The following KDM2B variants were observed in gnomAD, a reference collection of about 807,000 sequenced individuals.
The protein encoded by KDM2B is lysine demethylase 2B, also known as lysine-specific demethylase 2B.
In KDM2B, 26 loss-of-function variants were observed where a neutral mutation model predicts 150.0. That is an observed-to-expected ratio of 0.17 (90% CI 0.13 to 0.24). The LOEUF (loss-of-function observed/expected upper bound fraction) is 0.24, where lower values mean the gene tolerates loss of function less well. Among genes scored for constraint, KDM2B ranks in the 10% least tolerant of loss-of-function variants. The pLI is 1.00. For synonymous variants in KDM2B, 734 were observed against 729.5 expected, an observed-to-expected ratio of 1.01 and a Z score of -0.10; for missense variants, 1,265 against 1,816.9, an observed-to-expected ratio of 0.70 and a Z score of 5.52.
intron 6 of KDM2B, among the ~76,000 whole-genome samples, chr12:121,535,297 G>T (rs1379146973): frequency 6.6e-6 from 1 of 151,998 alleles, no homozygotes; most frequent in Non-Finnish European, 1.5e-5. Flanking sequence ...GAAAAGTAAG[G>T]GGGGGTTCCA....
the KDM2B span, chr12:121,420,374 G>T: frequency 1.3e-6 from 2 of 1,554,402 alleles, no homozygotes; most frequent in Non-Finnish European, 1.7e-6. Flanking sequence ...TGACATGTCA[G>T]CCTGACAGGA....
chr12:121,500,899 G>A (rs534534476), intron 11 of KDM2B, among the ~76,000 whole-genome samples: 3 of 152,306 alleles, frequency 2.0e-5, no homozygotes, highest in East Asian at 3.9e-4. Flanking sequence ...CAAAGAGTTC[G>A]AGACCAGCCT....
downstream of KDM2B, among the ~76,000 whole-genome samples, chr12:121,424,876 C>G (rs1397697320): frequency 6.6e-6 from 1 of 152,174 alleles, no homozygotes; most frequent in Admixed American, 6.5e-5. Context: ...AAGCAACTTT[C>G]TGAAATAAAC....
intron 11 of KDM2B, among the ~76,000 whole-genome samples, chr12:121,501,460 A>G (rs1884536349): frequency 6.6e-6 from 1 of 152,174 alleles, no homozygotes; most frequent in African/African-American, 2.4e-5. Flanking sequence ...TGATGCAGCC[A>G]CATCCAAGGA....
intron 22 of KDM2B, among the ~76,000 whole-genome samples, chr12:121,434,865 G>A (rs1375114174): frequency 2.0e-5 from 3 of 152,188 alleles, no homozygotes; most frequent in Non-Finnish European, 4.4e-5. Flanking sequence ...ACTGAGGCAT[G>A]AGAATCACAT....
chr12:121,559,465 C>T (rs1890170049), intron 4 of KDM2B, among the ~76,000 whole-genome samples: 1 of 152,202 alleles, frequency 6.6e-6, no homozygotes, highest in Non-Finnish European at 1.5e-5. Context: ...TCATGCCACA[C>T]AGCTGGGGTC....
At chr12:121,570,424 G>A (rs1555315733) in intron 4 of KDM2B, among the ~76,000 whole-genome samples, 1 of 152,038 alleles carries the variant, frequency 6.6e-6, no homozygotes, top group Non-Finnish European at 1.5e-5. Flanking sequence ...GGCCTCAATC[G>A]ATCCTCCTAC....
At chr12:121,542,717 A>C (rs1888706541) in intron 6 of KDM2B, among the ~76,000 whole-genome samples, 1 of 152,224 alleles carries the variant, frequency 6.6e-6, no homozygotes, top group South Asian at 2.1e-4. Context: ...GTACAGATGA[A>C]GAAAAAGGCC....
chr12:121,543,745 G>C (rs1406605844), intron 6 of KDM2B, among the ~76,000 whole-genome samples: 5 of 152,060 alleles, frequency 3.3e-5, no homozygotes, highest in African/African-American at 1.2e-4. Context: ...CTTAACCAGG[G>C]AGTCAGAGGT....
chr12:121,580,964 T>C lies in KDM2B; in HGVS notation c.-53A>G, dbSNP rs567537297. ...AGGAAATTAGCTCGGCTTCCATACC[T>C]ATAAGGACTGCCTAACTTTTAAACT... is the stretch of plus-strand genomic sequence containing the variant. On this transcript the variant is annotated 5_prime_UTR_variant, in exon 1 of 23. The change creates a new upstream start codon in the 5' untranslated region. Coordinates refer to ENST00000377071, the MANE Select transcript of KDM2B (RefSeq NM_032590.5). 1 of 1,591,386 alleles carries C rather than the reference T, an allele frequency of 6.3e-7. No homozygotes were observed. Among genetic ancestry groups the C allele is most frequent in the South Asian group, 1.1e-5 (1 of 87,488 alleles).
intron 6 of KDM2B, among the ~76,000 whole-genome samples, chr12:121,541,673 C>A (rs1466073934): frequency 3.3e-5 from 5 of 152,044 alleles, no homozygotes; most frequent in Non-Finnish European, 7.4e-5. Context: ...CCAGAAAGTA[C>A]ACAGGGAAGA....
chr12:121,427,242 T>C (rs1872551937), downstream of KDM2B, among the ~76,000 whole-genome samples: 1 of 152,126 alleles, frequency 6.6e-6, no homozygotes, highest in African/African-American at 2.4e-5. Flanking sequence ...TTGGCTCATT[T>C]TAAAAATAAA....
chr12:121,556,581 T>G (rs761499008), intron 4 of KDM2B, among the ~76,000 whole-genome samples: 10 of 152,168 alleles, frequency 6.6e-5, no homozygotes, highest in Non-Finnish European at 1.3e-4. Context: ...CTGGGCACCA[T>G]GGCTCAAGCC....
the KDM2B span, chr12:121,416,316 C>A: frequency 8.1e-6 from 13 of 1,613,976 alleles, no homozygotes; most frequent in Non-Finnish European, 1.0e-5. Flanking sequence ...CCAGCAGCTA[C>A]GGAAGGGCCC....
chr12:121,516,196 G>A (rs1005857802), intron 9 of KDM2B, among the ~76,000 whole-genome samples: 1 of 151,950 alleles, frequency 6.6e-6, no homozygotes. Flanking sequence ...CTCTGAAGTC[G>A]GTTTTGACTT....
intron 13 of KDM2B, among the ~76,000 whole-genome samples, chr12:121,450,783 C>G (rs1427061538): frequency 1.3e-5 from 2 of 151,996 alleles, no homozygotes; most frequent in African/African-American, 4.8e-5. Context: ...ATGGCATGAA[C>G]CCAGGAGGTG....
intron 4 of KDM2B, among the ~76,000 whole-genome samples, chr12:121,569,010 C>G (rs1555315505): frequency 6.6e-6 from 1 of 152,168 alleles, no homozygotes; most frequent in Non-Finnish European, 1.5e-5. Flanking sequence ...CTCAAACGGC[C>G]ACGTCCCGTG....
intron 13 of KDM2B, among the ~76,000 whole-genome samples, chr12:121,448,048 A>T (rs1876572799): frequency 6.6e-6 from 1 of 152,148 alleles, no homozygotes; most frequent in Non-Finnish European, 1.5e-5. Flanking sequence ...GCCAGGAGTG[A>T]TAGCACATGC....
Position 121,442,424 on chromosome 12 carries a change from C to A in KDM2B, c.3017G>T (p.Arg1006Leu). The A allele has an allele frequency of 6.3e-7, 1 of 1,598,130 alleles. No individual in the cohort carries two copies. The highest frequency in any genetic ancestry group is 2.2e-5 in the East Asian group (1 of 44,644). Reference protein sequence around the residue: ...RFSKGLNGTPRELRHQLGPSL... With the variant: ...RFSKGLNGTPLELRHQLGPSL... ...GGGCCCCAGCTGGTGCCGCAGCTCC[C>A]GGGGGGTGCCGTTGAGCCCCTTGCT... Residue 1006 changes from arginine to leucine, a missense_variant, in exon 19 of 23, where the codon CGG becomes CTG. Physicochemically the swap from Arg to Leu is moderately radical, Grantham distance 102 (BLOSUM62 -2). Transcript: ENST00000377071. This position sits in a 1 kb window ranked among gnomAD's most constrained non-coding sequence, Gnocchi z 7.7.
Sources: gnomAD v4.1 joint callset for allele counts (sites outside exome capture counted in the v4.1 genomes callset) on GRCh38, gnomAD v4.1.1 for gene constraint, Gnocchi (gnomAD v3.1) non-coding constraint, MANE v1.5 for transcripts, NCBI Gene and HGNC (gene_info 2026-07-23, HGNC 2026-07-21) for gene names.